COL4A6: variants seen among roughly 807,000 people sequenced by gnomAD.
The protein encoded by COL4A6 is collagen type IV alpha 6 chain, also known as collagen alpha-6(IV) chain.
A neutral mutation model predicts 126.7 loss-of-function variants in COL4A6; 59 were observed. The observed-to-expected ratio is 0.47, with a 90% CI of 0.38 to 0.58. The LOEUF (loss-of-function observed/expected upper bound fraction) is 0.58. Ranked by LOEUF, COL4A6 falls within the 20% of genes least tolerant of loss-of-function variation. The probability of loss-of-function intolerance (pLI) is 0.00; values close to 1 mark genes in which losing one functional copy is unlikely to be tolerated. For missense variants in COL4A6, 1,285 were observed against 1,337.3 expected, an observed-to-expected ratio of 0.96 and a Z score of 0.61; for synonymous variants, 547 against 496.6, an observed-to-expected ratio of 1.10 and a Z score of -1.35.
At chrX:108,324,368 C>A (rs1170192257) in intron 2 of COL4A6, among the ~76,000 whole-genome samples, 1 of 111,917 alleles carries the variant, frequency 8.9e-6, no homozygotes, top group African/African-American at 3.2e-5. Context: ...GTCATTTCCA[C>A]ATTTAACACA....
intron 12 of COL4A6, among the ~76,000 whole-genome samples, 158 bp downstream of exon 12, chrX:108,204,162 C>T (rs2035474043): frequency 8.9e-6 from 1 of 111,961 alleles, no homozygotes; most frequent in Admixed American, 9.4e-5. Context: ...TCATAAGGGG[C>T]AAAACAAAGA....
At chrX:108,296,544 A>T (rs944385320) in intron 3 of COL4A6, among the ~76,000 whole-genome samples, 2 of 112,089 alleles carry the variant, frequency 1.8e-5, no homozygotes, top group African/African-American at 6.5e-5. Flanking sequence ...TTTTCTGGAT[A>T]TTGGCTATAT....
chrX:108,394,357 T>C (rs775503623), intron 2 of COL4A6, among the ~76,000 whole-genome samples: 2 of 110,106 alleles, frequency 1.8e-5, no homozygotes, highest in African/African-American at 6.6e-5. Flanking sequence ...CAAACCACCA[T>C]GGCACATGTA....
At chrX:108,312,743 C>A (rs2038791198) in intron 2 of COL4A6, among the ~76,000 whole-genome samples, 1 of 111,558 alleles carries the variant, frequency 9.0e-6, no homozygotes, top group Admixed American at 9.5e-5. Context: ...AAAGTCATCC[C>A]CTTCAAGGAA....
intron 13 of COL4A6, among the ~76,000 whole-genome samples, chrX:108,199,236 T>C (rs958715340): frequency 9.0e-6 from 1 of 110,774 alleles, no homozygotes; most frequent in Non-Finnish European, 1.9e-5. Context: ...AGTGCTGCCT[T>C]GTTTCTCGGT....
chrX:108,300,481 T>A (rs1345556013), intron 3 of COL4A6, among the ~76,000 whole-genome samples: 1 of 108,187 alleles, frequency 9.2e-6, no homozygotes, highest in Admixed American at 1.0e-4. Flanking sequence ...TGCTAGGGGG[T>A]CTTGGACATG....
intron 16 of COL4A6, 28 bp downstream of exon 16, chrX:108,194,506 C>T: frequency 8.4e-7 from 1 of 1,190,712 alleles, no homozygotes; most frequent in Non-Finnish European, 1.1e-6. Context: ...TACCTACCAA[C>T]CCTGGATTTT....
chrX:108,437,826 T>G (rs1309342234), intron 2 of COL4A6, 116 bp downstream of exon 2: 6 of 770,799 alleles, frequency 7.8e-6, no homozygotes, highest in Admixed American at 5.0e-5. Flanking sequence ...AGGGGAGTGG[T>G]GTGGACTCCG....
At chrX:108,410,950 AC>A (rs2041313311) in intron 2 of COL4A6, among the ~76,000 whole-genome samples, 1 of 112,587 alleles carries the variant, frequency 8.9e-6, no homozygotes, top group African/African-American at 3.2e-5. Flanking sequence ...ACCTAGGATA[AC>A]AATCATTTCC....
At chrX:108,251,985 G>A (rs1171776169) in intron 3 of COL4A6, among the ~76,000 whole-genome samples, 1 of 111,077 alleles carries the variant, frequency 9.0e-6, no homozygotes, top group African/African-American at 3.3e-5. Flanking sequence ...TTTGGTAAGA[G>A]CATTCAAAAT....
intron 3 of COL4A6, among the ~76,000 whole-genome samples, chrX:108,245,660 A>T (rs1182872909): frequency 9.0e-6 from 1 of 111,657 alleles, no homozygotes; most frequent in Non-Finnish European, 1.9e-5. Flanking sequence ...AGGTGGCAGC[A>T]GTGAGCAAGC....
At chrX:108,238,160 G>A (rs2036483926) in intron 3 of COL4A6, among the ~76,000 whole-genome samples, 1 of 104,154 alleles carries the variant, frequency 9.6e-6, no homozygotes, top group Non-Finnish European at 2.0e-5. Flanking sequence ...AGGCTGGAGT[G>A]CAGTGGCATG....
chrX:108,357,100 C>T (rs2039978045), intron 2 of COL4A6, among the ~76,000 whole-genome samples: 1 of 111,651 alleles, frequency 9.0e-6, no homozygotes, highest in East Asian at 2.8e-4. Flanking sequence ...TCTAGTATTA[C>T]CTTCTCAACA....
intron 34 of COL4A6, 32 bp from the exon 35 acceptor site, chrX:108,170,748 T>C (rs746686797): frequency 1.7e-6 from 2 of 1,198,893 alleles, no homozygotes; most frequent in African/African-American, 3.5e-5. Flanking sequence ...AGGTTCAGAA[T>C]GGGGCATGGC....
At chrX:108,205,537 G>A in intron 10 of COL4A6, 57 bp from the exon 11 acceptor site, 1 of 1,123,782 alleles carries the variant, frequency 8.9e-7, no homozygotes, top group Non-Finnish European at 1.2e-6. Context: ...TAAGCTCTGG[G>A]AACTTAAATT....
chrX:108,350,955 G>A (rs757908967), intron 2 of COL4A6, among the ~76,000 whole-genome samples: 9 of 111,503 alleles, frequency 8.1e-5, no homozygotes, highest in Non-Finnish European at 1.3e-4. Flanking sequence ...GCAAGGAGTA[G>A]GGAAAGTTTT....
intron 3 of COL4A6, among the ~76,000 whole-genome samples, chrX:108,239,683 C>A (rs1011805821): frequency 7.2e-5 from 8 of 111,505 alleles, no homozygotes; most frequent in Admixed American, 3.8e-4. Flanking sequence ...ATCCATCCTT[C>A]CCTTGATGTA....
intron 2 of COL4A6, among the ~76,000 whole-genome samples, chrX:108,333,664 C>A (rs1603107727): frequency 9.0e-6 from 1 of 111,204 alleles, no homozygotes; most frequent in African/African-American, 3.3e-5. Context: ...TATCTAAAAA[C>A]CTAAAAGACT....
At chrX:108,359,419 T>C (rs1444945319) in intron 2 of COL4A6, among the ~76,000 whole-genome samples, 2 of 112,757 alleles carry the variant, frequency 1.8e-5, no homozygotes, top group African/African-American at 6.4e-5. Context: ...CAAGCTGCAA[T>C]TGCAGGTATT....
Sources: allele counts gnomAD v4.1 joint callset (sites outside exome capture counted in the v4.1 genomes callset), GRCh38; gene constraint gnomAD v4.1.1; transcripts MANE v1.5; gene names NCBI Gene and HGNC (gene_info 2026-07-23, HGNC 2026-07-21).